The following SLC11A2 variants were observed in gnomAD, a reference collection of about 807,000 sequenced individuals.
SLC11A2 encodes natural resistance-associated macrophage protein 2.
Under a neutral mutation model 68.0 loss-of-function variants are expected in SLC11A2, and 38 were observed. That is an observed-to-expected ratio of 0.56 (90% CI 0.43 to 0.73). The LOEUF is 0.73. Among genes scored for constraint, SLC11A2 ranks in the 30% least tolerant of loss-of-function variants. The pLI is 0.00. For missense variants in SLC11A2, 517 were observed against 690.5 expected (o/e 0.75, Z 2.82); for synonymous variants, 242 against 250.6 (o/e 0.97, Z 0.32).
At chr12:50,994,277 G>A (rs930883981) in intron 11 of SLC11A2, among the ~76,000 whole-genome samples, 14 of 152,028 alleles carry the variant, frequency 9.2e-5, no homozygotes, top group Admixed American at 7.9e-4. Flanking sequence ...GAACTCCTGA[G>A]CTCAAGTGAT....
At chr12:51,005,622 T>C (rs1942652905) in intron 3 of SLC11A2, 186 bp from the exon 4 acceptor site, 2 of 1,418,572 alleles carry the variant, frequency 1.4e-6, no homozygotes, top group Non-Finnish European at 1.9e-6. Context: ...AGCTGGCCAC[T>C]TCTCTGTCCA....
chr12:50,990,918 G>A lies in SLC11A2; in HGVS notation c.1452C>T (p.Val484=). ...LGWRIAGGIL[V]LIICSINMYF... The stretch of plus-strand genomic sequence containing the variant: ...ACATATTGATGGAACAGATGATAAG[G>A]ACCAAGATTCCTCCTGCAATCCGCC... The change falls in exon 15 of 16, where the codon GTC becomes GTT. Residue 484 remains valine (V), a synonymous_variant. Transcript: ENST00000262052. 4 of 1,613,978 alleles carry A rather than the reference G, an allele frequency of 2.5e-6. No individual in the cohort carries two copies. Among genetic ancestry groups the A allele is most frequent in the Admixed American group, 1.7e-5 (1 of 60,002 alleles).
chr12:51,008,435 C>A (rs1378290603), intron 3 of SLC11A2, 41 bp downstream of exon 3: 1 of 1,576,342 alleles, frequency 6.3e-7, no homozygotes, highest in Admixed American at 1.7e-5. Flanking sequence ...CACAGGTTTT[C>A]CCCAGACAAT....
rs113035267 is a variant in SLC11A2 at position 50,991,218 on chromosome 12, T to C, written c.1422-270A>G. On this transcript the variant is annotated intron_variant, in intron 14 of 15. Transcript: ENST00000262052. ...CAAGGCCTAGAAACGCAATGAGCCA[T>C]TTTATTAACGTTCCCAAAAATGCAA... Among the ~76,000 whole-genome samples, 767 of 152,320 alleles carry C rather than the reference T, an allele frequency of 5.0e-3. 7 individuals are homozygous for C. The highest frequency in any genetic ancestry group is 0.018 in the African/African-American group (728 of 41,560).
chr12:50,963,346 G>A, the SLC11A2 span, among the ~76,000 whole-genome samples: 3 of 142,446 alleles, frequency 2.1e-5, no homozygotes, highest in East Asian at 6.4e-4. Flanking sequence ...CTCCAGCCTG[G>A]GTGAAAGGGC....
At chr12:50,995,156 C>CA (rs1390020419) in intron 10 of SLC11A2, 4 of 236,614 alleles carry the variant, frequency 1.7e-5, no homozygotes, top group Non-Finnish European at 3.3e-5. Flanking sequence ...ACTAAAATTA[C>CA]AAAAAATTAG....
At chr12:51,004,719 G>A (rs1469173612) in intron 5 of SLC11A2, 69 bp downstream of exon 5, 12 of 1,575,130 alleles carry the variant, frequency 7.6e-6, no homozygotes, top group Non-Finnish European at 9.6e-6. Context: ...AATGAGGCCA[G>A]CACATACCGC....
chr12:50,963,004 T>A, the SLC11A2 span, among the ~76,000 whole-genome samples: 3 of 144,330 alleles, frequency 2.1e-5, no homozygotes, highest in Non-Finnish European at 3.0e-5. Context: ...TTTGAACTTA[T>A]ATAATTATGA....
chr12:51,012,111 C>T (rs552174764), intron 1 of SLC11A2, among the ~76,000 whole-genome samples: 3 of 152,306 alleles, frequency 2.0e-5, no homozygotes, highest in Non-Finnish European at 4.4e-5. Flanking sequence ...CAGCCCCTCC[C>T]AAGCTCTCCA....
chr12:51,008,418 T>C, intron 3 of SLC11A2, 58 bp downstream of exon 3: 1 of 1,485,914 alleles, frequency 6.7e-7, no homozygotes, highest in Non-Finnish European at 9.4e-7. Context: ...CCAGCAGATC[T>C]TTCACTCACA....
At chr12:50,970,081 T>C in the SLC11A2 span, among the ~76,000 whole-genome samples, 1 of 152,150 alleles carries the variant, frequency 6.6e-6, no homozygotes, top group Non-Finnish European at 1.5e-5. Flanking sequence ...CACCATTTGT[T>C]TTCCTCGGGA....
Position 50,991,589 on chromosome 12 carries a change from G to C in SLC11A2, c.1421+10C>G, listed in dbSNP as rs1941154760. ...GCATCCCCTTTGGGAACGAAGAGGA[G>C]TACACTCACAGTCCATTGGCAAAGT... is the stretch of plus-strand genomic sequence containing the variant. On this transcript the variant is annotated intron_variant, in intron 14 of 15. Transcript: ENST00000262052. The C allele has an allele frequency of 6.2e-7, 1 of 1,611,472 alleles. No individual in the cohort carries two copies. Among genetic ancestry groups the C allele is most frequent in the Non-Finnish European group, 8.5e-7 (1 of 1,177,866 alleles).
At chr12:51,000,944 T>A (rs1156601298) in intron 5 of SLC11A2, among the ~76,000 whole-genome samples, 1 of 151,916 alleles carries the variant, frequency 6.6e-6, no homozygotes, top group East Asian at 1.9e-4. Flanking sequence ...GGCAGGTGGA[T>A]CACCTGAGGA....
At chr12:50,953,993 A>G in the SLC11A2 span, 3 of 1,581,608 alleles carry the variant, frequency 1.9e-6, no homozygotes, top group Admixed American at 1.7e-5. Context: ...GTTACTAGAG[A>G]AAAAAATGTC....
the SLC11A2 span, chr12:50,953,968 C>T: frequency 7.8e-7 from 1 of 1,288,984 alleles, no homozygotes; most frequent in African/African-American, 1.5e-5. Flanking sequence ...ACGGCAACCA[C>T]ATTTATATCC....
intron 1 of SLC11A2, 59 bp downstream of exon 1, chr12:51,026,251 C>T (rs1323937765): frequency 1.6e-6 from 2 of 1,223,484 alleles, no homozygotes; most frequent in African/African-American, 3.2e-5. Flanking sequence ...CGAGCCGCCC[C>T]GCGCCCCTCC....
chr12:51,022,073 C>T (rs1632793), intron 1 of SLC11A2, among the ~76,000 whole-genome samples: 1 of 152,134 alleles, frequency 6.6e-6, no homozygotes, highest in African/African-American at 2.4e-5. Flanking sequence ...TCACTAAAGT[C>T]TTACTTCCAG....
Position 50,986,433 on chromosome 12 carries a change from A to T in SLC11A2, c.*1892T>A. The T allele has an allele frequency of 7.8e-7, 1 of 1,284,080 alleles. No homozygotes were observed. The highest frequency in any genetic ancestry group is 1.0e-6 in the Non-Finnish European group (1 of 986,118). 79.5% of individuals were successfully genotyped at this position (1,284,080 alleles called of 1,614,324 possible). ...ATTTAATTGGAAGGAGTTTTCTATC[A>T]TTGCAAGTCATAAATATAACTTTTA... On this transcript the variant is annotated 3_prime_UTR_variant, in exon 16 of 16. Transcript: ENST00000262052.
At chr12:50,997,599 G>C (rs1941820607) in intron 8 of SLC11A2, among the ~76,000 whole-genome samples, 1 of 133,504 alleles carries the variant, frequency 7.5e-6, no homozygotes, top group South Asian at 2.4e-4. Context: ...GGCTGAGGTG[G>C]AAGGATCACT....
Sources: gnomAD v4.1 joint callset for allele counts (sites outside exome capture counted in the v4.1 genomes callset) on GRCh38, gnomAD v4.1.1 for gene constraint, MANE v1.5 for transcripts, NCBI Gene and HGNC (gene_info 2026-07-23, HGNC 2026-07-21) for gene names.